The following DLG2 variants were observed in gnomAD, a reference collection of about 807,000 sequenced individuals.
The protein encoded by DLG2 is disks large homolog 2.
DLG2 carries 45 observed loss-of-function variants against 132.5 expected under a neutral mutation model. That is an observed-to-expected ratio of 0.34 (90% CI 0.27 to 0.44). The LOEUF is 0.44. Among genes scored for constraint, DLG2 ranks in the 20% least tolerant of loss-of-function variants. The probability of loss-of-function intolerance (pLI) is 1.00; values close to 1 mark genes in which losing one functional copy is unlikely to be tolerated. For missense variants in DLG2, 1,045 were observed against 1,196.9 expected (o/e 0.87, Z 1.87); for synonymous variants, 424 against 419.6 (o/e 1.01, Z -0.13).
chr11:84,319,783 A>C (rs1411811572), intron 7 of DLG2, among the ~76,000 whole-genome samples: 2 of 152,216 alleles, frequency 1.3e-5, no homozygotes, highest in East Asian at 3.8e-4. Context: ...TGTATAACTA[A>C]TGTTATTTTG....
chr11:83,587,191 T>C (rs1432046), intron 19 of DLG2, among the ~76,000 whole-genome samples: 6,700 of 152,296 alleles, frequency 0.044, 179 homozygotes, highest in South Asian at 0.11. Context: ...CTTATAGTTT[T>C]TTTTAAATTA....
chr11:83,790,772 T>A (rs767991906), intron 17 of DLG2: 52 of 758,420 alleles, frequency 6.9e-5, no homozygotes, highest in Non-Finnish European at 1.2e-4. Flanking sequence ...GGTTCTGGTC[T>A]GCCTGACTCT....
intron 15 of DLG2, among the ~76,000 whole-genome samples, chr11:83,880,084 G>C (rs548515680): frequency 2.6e-5 from 4 of 152,152 alleles, no homozygotes; most frequent in African/African-American, 4.8e-5. Flanking sequence ...CCAGAGCAGA[G>C]TGGCCAGGGG....
chr11:83,593,446 A>T (rs1436716432), intron 19 of DLG2, among the ~76,000 whole-genome samples: 1 of 151,772 alleles, frequency 6.6e-6, no homozygotes, highest in Admixed American at 6.6e-5. Flanking sequence ...TTGAACAATG[A>T]GATCACATGG....
At chr11:83,717,411 T>C (rs1221250620) in intron 18 of DLG2, among the ~76,000 whole-genome samples, 1 of 152,224 alleles carries the variant, frequency 6.6e-6, no homozygotes, top group Non-Finnish European at 1.5e-5. Flanking sequence ...TGGAGATTAA[T>C]GAATTACTGC....
intron 7 of DLG2, among the ~76,000 whole-genome samples, chr11:84,319,241 A>G (rs1567279869): frequency 6.6e-6 from 1 of 152,148 alleles, no homozygotes; most frequent in Non-Finnish European, 1.5e-5. Context: ...TTTTAGATCA[A>G]TAGATTATAC....
intron 15 of DLG2, among the ~76,000 whole-genome samples, chr11:83,906,098 TATATATAC>T (rs1423872421): frequency 0.012 from 898 of 77,786 alleles, 12 homozygotes; most frequent in South Asian, 0.059. Flanking sequence ...TATATATATA[TATATATAC>T]ATATATAGTT....
intron 6 of DLG2, among the ~76,000 whole-genome samples, chr11:84,943,169 T>TGC (rs1308340082): frequency 3.9e-5 from 2 of 51,162 alleles, no homozygotes; most frequent in Non-Finnish European, 7.8e-5. Flanking sequence ...TGTGTGTGCG[T>TGC]GTGTGTGTGT....
At position 84,682,442 on chromosome 11, in the gene DLG2, A is replaced by G. The variant is rs1158965028; in HGVS notation, c.358-147711T>C. Among the ~76,000 whole-genome samples, 4 of 152,190 alleles carry G rather than the reference A, an allele frequency of 2.6e-5. No individual in the cohort carries two copies. The East Asian group carries it at 7.8e-4, about 29-fold the overall frequency. Reference sequence around the variant, plus strand: ...GCAAGGAATATTTTGGTTCTCTCTCAACACAGGCTTTGTGTGGTAGCTGGC... The same window carrying G: ...GCAAGGAATATTTTGGTTCTCTCTCGACACAGGCTTTGTGTGGTAGCTGGC... On this transcript the variant is annotated intron_variant, in intron 6 of 27. Coordinates refer to ENST00000376104, the MANE Select transcript of DLG2 (RefSeq NM_001142699.3).
At chr11:84,533,895 C>A (rs1489995201) in intron 7 of DLG2, among the ~76,000 whole-genome samples, 1 of 96,278 alleles carries the variant, frequency 1.0e-5, no homozygotes, top group Admixed American at 1.6e-4. Flanking sequence ...TCCAGTAGCG[C>A]CAGTTCAGCC....
intron 3 of DLG2, among the ~76,000 whole-genome samples, chr11:85,313,948 C>T (rs1157531838): frequency 6.6e-6 from 1 of 151,944 alleles, no homozygotes; most frequent in Non-Finnish European, 1.5e-5. Context: ...GAAAAATTTA[C>T]ATAACACAAC....
intron 7 of DLG2, chr11:84,317,489 T>C: frequency 3.8e-6 from 2 of 533,182 alleles, no homozygotes; most frequent in Non-Finnish European, 2.5e-6. Context: ...AGCCCTACAG[T>C]AAAGAATAAC....
rs1311067359 is a variant in DLG2, at chr11:84,099,064, C to T, written c.625-17G>A. ...AGAATTCCCCTATAGAAACAAAAAGCAGATATTAAATGATGTGTCTGTCAC... is the reference window on the plus strand; with the variant it reads ...AGAATTCCCCTATAGAAACAAAAAGTAGATATTAAATGATGTGTCTGTCAC... On this transcript the variant is annotated splice_polypyrimidine_tract_variant and intron_variant, in intron 9 of 27. Transcript: ENST00000376104. 1 of 1,611,024 alleles carries T rather than the reference C, an allele frequency of 6.2e-7. No homozygotes were observed. Among genetic ancestry groups the T allele is most frequent in the African/African-American group, 1.3e-5 (1 of 74,836 alleles).
chr11:83,851,038 G>T (rs1357031059), intron 16 of DLG2, among the ~76,000 whole-genome samples: 1 of 152,046 alleles, frequency 6.6e-6, no homozygotes, highest in Non-Finnish European at 1.5e-5. Context: ...TTAGCCTGGC[G>T]TGGTGGCGGG....
chr11:85,114,426 G>T (rs999583223), intron 5 of DLG2, among the ~76,000 whole-genome samples: 26 of 151,990 alleles, frequency 1.7e-4, no homozygotes, highest in African/African-American at 4.8e-4. Flanking sequence ...AGAAGTTGGT[G>T]ACAAAAGGTA....
chr11:83,843,162 C>T (rs1261182063), intron 16 of DLG2, among the ~76,000 whole-genome samples: 1 of 152,194 alleles, frequency 6.6e-6, no homozygotes, highest in African/African-American at 2.4e-5. Flanking sequence ...CTTCATTGTG[C>T]CCCTTTGTAT....
intron 18 of DLG2, among the ~76,000 whole-genome samples, chr11:83,644,330 G>A (rs188921045): frequency 1.1e-3 from 164 of 152,190 alleles, no homozygotes; most frequent in African/African-American, 3.7e-3. Flanking sequence ...TGGAGAATTC[G>A]ATAAATATGT....
intron 3 of DLG2, among the ~76,000 whole-genome samples, chr11:85,530,287 C>T (rs578135919): frequency 1.5e-4 from 22 of 151,332 alleles, no homozygotes; most frequent in African/African-American, 3.6e-4. Flanking sequence ...TAAGCCACTG[C>T]GCCTGGCCTT....
At chr11:85,603,478 G>A (rs1042092106) in intron 2 of DLG2, among the ~76,000 whole-genome samples, 1 of 150,636 alleles carries the variant, frequency 6.6e-6, no homozygotes, top group Non-Finnish European at 1.5e-5. Context: ...AAAGTCTGCC[G>A]ACATTTTTCG....
Sources: allele counts gnomAD v4.1 joint callset (sites outside exome capture counted in the v4.1 genomes callset), GRCh38; gene constraint gnomAD v4.1.1; transcripts MANE v1.5; gene names NCBI Gene and HGNC (gene_info 2026-07-23, HGNC 2026-07-21).